Variants in LRRC9 observed in about 807,000 individuals in gnomAD.
LRRC9 encodes leucine-rich repeat-containing protein 9.
Under a neutral mutation model 63.2 loss-of-function variants are expected in LRRC9, and 122 were observed. The ratio of observed to expected loss-of-function variants is 1.93; its 90% CI spans 1.67 to 2.24. LRRC9 has a LOEUF of 2.24. Ranked by LOEUF, LRRC9 falls within the 30% of genes most tolerant of loss-of-function variation. The probability of loss-of-function intolerance (pLI) is 0.00; values close to 1 mark genes in which losing one functional copy is unlikely to be tolerated. For synonymous variants in LRRC9, 366 were observed against 213.1 expected (o/e 1.72, Z -6.25); for missense variants, 1,071 against 627.7 (o/e 1.71, Z -7.55).
chr14:60,062,945 A>T (rs1157577976), intron 31 of LRRC9, among the ~76,000 whole-genome samples: 1 of 150,772 alleles, frequency 6.6e-6, no homozygotes, highest in East Asian at 1.9e-4. Context: ...AGGTTAGAGT[A>T]CAGTGGCACA....
rs1268839719 is a variant in LRRC9 at position 59,951,485 on chromosome 14, T to C, written c.882+6741T>C. On this transcript the variant is annotated intron_variant, in intron 8 of 31. Transcript: ENST00000445360. ...AGAGTAATTTGATCGTCTGAAGCCT[T>C]CTTCTCTCAGCTCGTCAAAATCATT... 8.6e-5 allele frequency among the ~76,000 whole-genome samples: 12 copies of C among 139,234 alleles called. No individual in the cohort carries two copies. In the East Asian group the frequency reaches 2.9e-3, roughly 34 times the overall value. The allele number at this position is 139,234 out of a possible 152,430, so 91.3% of individuals were successfully genotyped here.
chr14:59,960,994 T>A lies in LRRC9; in HGVS notation c.1160T>A (p.Leu387Ter), dbSNP rs1183045507. The A allele has an allele frequency of 1.4e-6, 1 of 695,716 alleles. No homozygotes were observed. The highest frequency in any genetic ancestry group is 2.6e-6 in the Non-Finnish European group (1 of 382,058). The allele number at this position is 695,716 out of a possible 1,614,324, so 43.1% of individuals were successfully genotyped here. A position where few individuals can be genotyped will look rare whatever the true frequency, so the allele number is the denominator to read the frequency against. Reference sequence around the variant, plus strand: ...TTGATCCCACTTTTGTTAATTGAGTTAGAGACTGTGGGAAATTTCCATTTT... The same window carrying A: ...TTGATCCCACTTTTGTTAATTGAGTAAGAGACTGTGGGAAATTTCCATTTT... Residue 387 changes from leucine to a stop codon, truncating the protein, a stop_gained, in exon 10 of 32, where the codon TTA becomes TAA. Transcript: ENST00000445360. LOFTEE classifies it high-confidence loss of function.
intron 17 of LRRC9, among the ~76,000 whole-genome samples, chr14:59,991,516 G>A (rs1888098751): frequency 6.6e-6 from 1 of 152,088 alleles, no homozygotes; most frequent in African/African-American, 2.4e-5. Context: ...AGCATGGTGA[G>A]GCATTGCCTC....
rs981992500 is a variant in LRRC9 at position 59,964,164 on chromosome 14, A to G, written c.1212-2425A>G. On this transcript the variant is annotated intron_variant, in intron 10 of 31. Transcript: ENST00000445360. The surrounding 1 kb of genome is among the most constrained non-coding windows in gnomAD (Gnocchi z 4.4). ...ATATTGAATCCTCTACTGTAGGTGAAGAGTCTGAATGTAATTTGGAAGGTA... is the reference window on the plus strand; with the variant it reads ...ATATTGAATCCTCTACTGTAGGTGAGGAGTCTGAATGTAATTTGGAAGGTA... 1.6e-4 allele frequency among the ~76,000 whole-genome samples: 25 copies of G among 152,246 alleles called. No homozygotes were observed. The highest frequency in any genetic ancestry group is 6.5e-5 in the Admixed American group (1 of 15,288).
chr14:60,059,129 C>CT (rs148537752), intron 31 of LRRC9: 1 of 151,972 alleles, frequency 6.6e-6, no homozygotes, highest in Non-Finnish European at 1.5e-5. Flanking sequence ...AAAAGCATAC[C>CT]TTTTTTTATT....
rs1888957665 is a variant in LRRC9, at chr14:59,923,649, C to G, written c.-34+3766C>G. The stretch of plus-strand genomic sequence containing the variant: ...TAAATCACAGTAATTAAAACAGATA[C>G]AGTCAGGCGAGGTGGCTCACGCCTG... On this transcript the variant is annotated intron_variant, in intron 1 of 31. Coordinates refer to ENST00000445360, the Ensembl canonical transcript of LRRC9. This position sits in a 1 kb window ranked among gnomAD's most constrained non-coding sequence, Gnocchi z 4.2. Among the ~76,000 whole-genome samples, 1 of 152,162 alleles carries G rather than the reference C, an allele frequency of 6.6e-6. No individual in the cohort carries two copies. The highest frequency in any genetic ancestry group is 6.5e-5 in the Admixed American group (1 of 15,278).
At chr14:60,006,302 G>A (rs1326563750) in intron 21 of LRRC9, 95 bp from the exon 22 acceptor site, 3 of 596,830 alleles carry the variant, frequency 5.0e-6, no homozygotes, top group Non-Finnish European at 8.8e-6. Flanking sequence ...TTTGAACCTA[G>A]CTATCTAATT....
chr14:60,048,868 C>G (rs1169573778), intron 29 of LRRC9, among the ~76,000 whole-genome samples: 2 of 152,148 alleles, frequency 1.3e-5, no homozygotes, highest in African/African-American at 4.8e-5. Context: ...TCTCTGATGA[C>G]TGTTGAGGCA....
intron 12 of LRRC9, among the ~76,000 whole-genome samples, chr14:59,970,421 A>G (rs1026801226): frequency 7.2e-5 from 11 of 152,170 alleles, no homozygotes; most frequent in Non-Finnish European, 1.5e-4. Flanking sequence ...TGATAGAACG[A>G]TTTATATTCC....
Position 60,007,934 on chromosome 14 carries a change from T to C in LRRC9, c.3064-158T>C, listed in dbSNP as rs571334444. 5.2e-4 allele frequency among the ~76,000 whole-genome samples: 32 copies of C among 61,770 alleles called. No individual in the cohort carries two copies. In the East Asian group the frequency reaches 0.013, roughly 25 times the overall value. The allele number at this position is 61,770 out of a possible 152,430, so 40.5% of individuals were successfully genotyped here. ...CAGCCTGAGCAACAGCACGAGACCA[T>C]GTCTTTAAAAAAAAAAAAAAAAAAA... On this transcript the variant is annotated intron_variant, in intron 22 of 31. Coordinates refer to ENST00000445360, the Ensembl canonical transcript of LRRC9.
intron 12 of LRRC9, among the ~76,000 whole-genome samples, chr14:59,968,904 A>G (rs949113742): frequency 6.6e-6 from 1 of 152,192 alleles, no homozygotes; most frequent in African/African-American, 2.4e-5. Flanking sequence ...AGCATTTGAA[A>G]TGTGGCTAGT....
At chr14:60,018,230 T>C (rs772497878) in intron 24 of LRRC9, 141 bp from the exon 25 acceptor site, 2 of 593,442 alleles carry the variant, frequency 3.4e-6, no homozygotes, top group East Asian at 5.7e-5. Context: ...CCAATTCATT[T>C]TACATTAAAG....
At chr14:59,976,905 A>T (rs1174820854) in intron 13 of LRRC9, among the ~76,000 whole-genome samples, 1 of 152,208 alleles carries the variant, frequency 6.6e-6, no homozygotes. Flanking sequence ...CCAGTTAACA[A>T]CAACCAAAAT....
rs1881853426 is a variant in LRRC9, at chr14:59,942,232, A to G, written c.727-2357A>G. Among the ~76,000 whole-genome samples, 1 of 152,066 alleles carries G rather than the reference A, an allele frequency of 6.6e-6. No homozygotes were observed. Among genetic ancestry groups the G allele is most frequent in the African/African-American group, 2.4e-5 (1 of 41,406 alleles). On this transcript the variant is annotated intron_variant, in intron 7 of 31. Transcript: ENST00000445360. This position sits in a 1 kb window ranked among gnomAD's most constrained non-coding sequence, Gnocchi z 5.3. ...GATATATATATATTACATTTTCTTT[A>G]TCCATTCACCTGTTGATGGCATTTA...
At chr14:60,046,020 A>G (rs1893393899) in intron 29 of LRRC9, among the ~76,000 whole-genome samples, 2 of 152,124 alleles carry the variant, frequency 1.3e-5, no homozygotes, top group Admixed American at 1.3e-4. Flanking sequence ...TCTAATGATC[A>G]GTGATGTTGA....
chr14:59,966,941 T>C lies in LRRC9; in HGVS notation c.1389-155T>C, dbSNP rs896646530. Among the ~76,000 whole-genome samples, 3 of 152,224 alleles carry C rather than the reference T, an allele frequency of 2.0e-5. No homozygotes were observed. Among genetic ancestry groups the C allele is most frequent in the African/African-American group, 7.2e-5 (3 of 41,464 alleles). ...TCATAATTTATCCACATTGAGCCTG[T>C]TTTTGAGGTTGAAGGCAGGGGAGCT... On this transcript the variant is annotated intron_variant, in intron 11 of 31. Coordinates refer to ENST00000445360, the Ensembl canonical transcript of LRRC9. This position sits in a 1 kb window ranked among gnomAD's most constrained non-coding sequence, Gnocchi z 4.0.
At chr14:59,969,540 G>A (rs1885239050) in intron 12 of LRRC9, 1 of 152,196 alleles carries the variant, frequency 6.6e-6, no homozygotes, top group Admixed American at 6.5e-5. Flanking sequence ...TGATTTAAAA[G>A]ACAGCCGTGT....
At chr14:60,064,133 A>G (rs1894815881), downstream of LRRC9, among the ~76,000 whole-genome samples, 1 of 152,236 alleles carries the variant, frequency 6.6e-6, no homozygotes, top group Non-Finnish European at 1.5e-5. Flanking sequence ...ATTCAAACTG[A>G]GTGGACACAT....
intron 8 of LRRC9, among the ~76,000 whole-genome samples, chr14:59,953,993 G>A (rs549013876): frequency 6.6e-6 from 1 of 152,202 alleles, no homozygotes; most frequent in South Asian, 2.1e-4. Flanking sequence ...CTATTTCTGA[G>A]GTCTCTCTTC....
Sources: gnomAD v4.1 joint callset for allele counts (sites outside exome capture counted in the v4.1 genomes callset) on GRCh38, gnomAD v4.1.1 for gene constraint, Gnocchi (gnomAD v3.1) non-coding constraint, MANE v1.5 for transcripts, NCBI Gene and HGNC (gene_info 2026-07-23, HGNC 2026-07-21) for gene names.